Variants in ZNF678 observed in about 807,000 individuals in gnomAD.
ZNF678 encodes zinc finger protein 678, also known as hypothetical protein MGC42493.
ZNF678 carries 5 observed loss-of-function variants against 3.0 expected under a neutral mutation model. The observed-to-expected ratio is 1.69, with a 90% CI of 0.88 to 3.56. The LOEUF is 3.56. Among genes scored for constraint, ZNF678 ranks in the 30% most tolerant of loss-of-function variants. The pLI is 0.00. For missense variants in ZNF678, 593 were observed against 605.0 expected (o/e 0.98, Z 0.21); for synonymous variants, 218 against 199.6 (o/e 1.09, Z -0.78).
chr1:227,641,780 A>G (rs1241532248), intron 1 of ZNF678, among the ~76,000 whole-genome samples: 1 of 152,158 alleles, frequency 6.6e-6, no homozygotes, highest in Non-Finnish European at 1.5e-5. Context: ...AAACTTCACA[A>G]AACAGCAAAC....
At chr1:227,651,827 C>G (rs1479895568) in intron 3 of ZNF678, among the ~76,000 whole-genome samples, 4 of 152,106 alleles carry the variant, frequency 2.6e-5, no homozygotes, top group Non-Finnish European at 1.5e-5. Flanking sequence ...TTCTGCCTCA[C>G]CCTCTCAAAT....
At chr1:227,643,095 A>G (rs1658862214) in intron 1 of ZNF678, among the ~76,000 whole-genome samples, 1 of 152,034 alleles carries the variant, frequency 6.6e-6, no homozygotes, top group South Asian at 2.1e-4. Flanking sequence ...TGAGCTTCTT[A>G]CTTCCCTAAT....
At chr1:227,620,075 G>T (rs1016824388) in intron 1 of ZNF678, among the ~76,000 whole-genome samples, 2 of 152,174 alleles carry the variant, frequency 1.3e-5, no homozygotes, top group Non-Finnish European at 2.9e-5. Flanking sequence ...TCTCCATATG[G>T]TGAAAGGGAA....
downstream of ZNF678, among the ~76,000 whole-genome samples, chr1:227,665,407 T>A (rs1659487216): frequency 6.6e-6 from 1 of 152,220 alleles, no homozygotes; most frequent in Non-Finnish European, 1.5e-5. Flanking sequence ...GTGGGGCTAA[T>A]GACTCACTTT....
chr1:227,630,524 C>G (rs1207133495), intron 1 of ZNF678, among the ~76,000 whole-genome samples: 1 of 152,204 alleles, frequency 6.6e-6, no homozygotes, highest in African/African-American at 2.4e-5. Flanking sequence ...TTATATCTCT[C>G]CATGTCAGAT....
rs542835816 is a variant in ZNF678 at position 227,588,967 on chromosome 1, C to G, written c.-164+25243C>G. On this transcript the variant is annotated intron_variant, in intron 1 of 3. Coordinates refer to ENST00000343776, the MANE Select transcript of ZNF678 (RefSeq NM_001367909.1). ...CTTTTGAGAAGTGTCTGTTCATGTCCTTTGCCCACTTTTTAATAGGGTTGT... is the reference window on the plus strand; with the variant it reads ...CTTTTGAGAAGTGTCTGTTCATGTCGTTTGCCCACTTTTTAATAGGGTTGT... Among the ~76,000 whole-genome samples the G allele has an allele frequency of 4.0e-5, 6 of 151,508 alleles. No homozygotes were observed. In the East Asian group the frequency reaches 1.2e-3, roughly 29 times the overall value.
intron 1 of ZNF678, among the ~76,000 whole-genome samples, chr1:227,628,722 C>T (rs1428997279): frequency 6.6e-6 from 1 of 152,228 alleles, no homozygotes; most frequent in Non-Finnish European, 1.5e-5. Context: ...GGCTTGATGG[C>T]ACAAGGTTTC....
intron 1 of ZNF678, among the ~76,000 whole-genome samples, chr1:227,595,254 T>C (rs1193758004): frequency 1.3e-5 from 2 of 150,196 alleles, no homozygotes; most frequent in African/African-American, 4.9e-5. Context: ...CTCTGTCTCT[T>C]CCTCTCTCTT....
intron 1 of ZNF678, among the ~76,000 whole-genome samples, chr1:227,567,036 T>TA (rs1656706696): frequency 6.6e-6 from 1 of 152,220 alleles, no homozygotes; most frequent in African/African-American, 2.4e-5. Flanking sequence ...TCCTCTTTTT[T>TA]ACAGGGTGGA....
At chr1:227,590,117 C>T (rs1364715247) in intron 1 of ZNF678, among the ~76,000 whole-genome samples, 1 of 151,746 alleles carries the variant, frequency 6.6e-6, no homozygotes, top group Non-Finnish European at 1.5e-5. Context: ...AAGCAGGTTC[C>T]TATTACTACT....
intron 1 of ZNF678, among the ~76,000 whole-genome samples, chr1:227,580,111 G>A (rs768143814): frequency 3.3e-5 from 5 of 152,098 alleles, no homozygotes; most frequent in Non-Finnish European, 7.4e-5. Context: ...TGTTCTCCTG[G>A]AGCTATTGTG....
intron 1 of ZNF678, among the ~76,000 whole-genome samples, chr1:227,614,230 G>T (rs1658089873): frequency 6.6e-6 from 1 of 152,176 alleles, no homozygotes; most frequent in African/African-American, 2.4e-5. Flanking sequence ...GTTACTTCTA[G>T]ATTTGACTGC....
intron 1 of ZNF678, among the ~76,000 whole-genome samples, chr1:227,585,567 G>A (rs1273413535): frequency 6.6e-6 from 1 of 152,152 alleles, no homozygotes; most frequent in Non-Finnish European, 1.5e-5. Flanking sequence ...GAGGTCAAGA[G>A]ATCGAGACCA....
downstream of ZNF678, among the ~76,000 whole-genome samples, chr1:227,665,230 A>G (rs1659482257): frequency 6.6e-6 from 1 of 152,200 alleles, no homozygotes; most frequent in Admixed American, 6.5e-5. Context: ...TGGTTTTGGA[A>G]AGTCACTTCT....
chr1:227,588,129 A>G (rs925395585), intron 1 of ZNF678, among the ~76,000 whole-genome samples: 11 of 152,138 alleles, frequency 7.2e-5, no homozygotes, highest in Admixed American at 5.2e-4. Context: ...AATGGTTTCC[A>G]ACTCCATCCG....
chr1:227,668,439 A>G (rs866189506), intron 5 of ZNF678, among the ~76,000 whole-genome samples: 5 of 152,244 alleles, frequency 3.3e-5, no homozygotes, highest in Admixed American at 6.5e-5. Flanking sequence ...AGTAAAATTT[A>G]TAACAGTCCA....
At chr1:227,618,034 CT>C (rs2102767022) in intron 1 of ZNF678, among the ~76,000 whole-genome samples, 1 of 152,318 alleles carries the variant, frequency 6.6e-6, no homozygotes, top group East Asian at 1.9e-4. Context: ...ATAGCCACCC[CT>C]GAGTGTCCAG....
Position 227,654,835 on chromosome 1 carries a change from A to G in ZNF678, c.585A>G (p.Gln195=), listed in dbSNP as rs767125578. 4 of 1,606,880 alleles carry G rather than the reference A, an allele frequency of 2.5e-6. No homozygotes were observed. The highest frequency in any genetic ancestry group is 1.1e-5 in the South Asian group (1 of 90,818). ...ACAAAGTTTTTAATTGGTGGTCACA[A>G]CTAACTAGCCATAAGAAAATTCATA... ...ECDKVFNWWS[Q]LTSHKKIHSG... The change falls in exon 4 of 4, where the codon CAA becomes CAG. Residue 195 remains glutamine, a synonymous_variant. Coordinates refer to ENST00000343776, the MANE Select transcript of ZNF678 (RefSeq NM_001367909.1).
chr1:227,566,592 A>T (rs999583122), intron 1 of ZNF678, among the ~76,000 whole-genome samples: 3 of 152,198 alleles, frequency 2.0e-5, no homozygotes, highest in Admixed American at 6.5e-5. Flanking sequence ...TTGACGCTTG[A>T]GTCGGATGTG....
Sources: gnomAD v4.1 joint callset for allele counts (sites outside exome capture counted in the v4.1 genomes callset) on GRCh38, gnomAD v4.1.1 for gene constraint, MANE v1.5 for transcripts, NCBI Gene and HGNC (gene_info 2026-07-23, HGNC 2026-07-21) for gene names.